Variants in POR observed in about 807,000 individuals in gnomAD.
POR encodes NADPH--cytochrome P450 reductase.
Under a neutral mutation model 84.0 loss-of-function variants are expected in POR, and 56 were observed. That is an observed-to-expected ratio of 0.67 (90% CI 0.54 to 0.83). POR has a LOEUF of 0.83. Among genes scored for constraint, POR ranks in the 40% least tolerant of loss-of-function variants. The probability of loss-of-function intolerance (pLI) is 0.00; values close to 1 mark genes in which losing one functional copy is unlikely to be tolerated. For missense variants in POR, 938 were observed against 944.3 expected (o/e 0.99, Z 0.09); for synonymous variants, 414 against 400.5 (o/e 1.03, Z -0.40).
chr7:75,932,659 C>A (rs573946692), intron 1 of POR, among the ~76,000 whole-genome samples: 29 of 151,626 alleles, frequency 1.9e-4, no homozygotes, highest in Non-Finnish European at 4.1e-4. Context: ...GAATTTATAA[C>A]AAGAAAATGT....
chr7:75,929,326 C>T (rs546958836), intron 1 of POR, among the ~76,000 whole-genome samples: 15 of 152,186 alleles, frequency 9.9e-5, no homozygotes, highest in African/African-American at 3.6e-4. Context: ...TGCAGTGGTG[C>T]GATCTCAGCT....
intron 3 of POR, among the ~76,000 whole-genome samples, chr7:75,976,035 C>T (rs1268943765): frequency 1.3e-5 from 2 of 151,862 alleles, no homozygotes; most frequent in African/African-American, 4.8e-5. Flanking sequence ...ACTCCCTGTC[C>T]ATAATCGGGG....
intron 1 of POR, among the ~76,000 whole-genome samples, chr7:75,932,575 T>C (rs1585089630): frequency 6.7e-6 from 1 of 149,362 alleles, no homozygotes; most frequent in Middle Eastern, 3.4e-3. Flanking sequence ...TAAAAACAGT[T>C]TTAATTTTTT....
intron 5 of POR, 23 bp downstream of exon 5, chr7:75,980,511 T>C (rs1554557586): frequency 6.2e-6 from 10 of 1,612,764 alleles, no homozygotes; most frequent in Non-Finnish European, 8.5e-6. Flanking sequence ...GAGACTGCTA[T>C]GGGCTCCCGG....
rs113741710 is a variant in POR at position 75,986,233 on chromosome 7, C to T, written c.1890C>T (p.Tyr630=). Residue 630 remains tyrosine (Y), a synonymous_variant, in exon 15 of 16, where the codon TAC becomes TAT. Coordinates refer to ENST00000461988, the MANE Select transcript of POR (RefSeq NM_000941.3). ...TGATCGAAGGCGGTGCCCACATCTA[C>T]GTCTGTGGGTGAGTGAGTGGGGTCA... The T allele has an allele frequency of 2.4e-5, 39 of 1,612,692 alleles. No homozygotes were observed. Among genetic ancestry groups the T allele is most frequent in the African/African-American group, 1.5e-4 (11 of 75,060 alleles).
At chr7:75,945,566 C>T (rs537503672) in intron 1 of POR, among the ~76,000 whole-genome samples, 9 of 152,144 alleles carry the variant, frequency 5.9e-5, no homozygotes, top group Admixed American at 2.6e-4. Flanking sequence ...CTGTGGGTTG[C>T]GCTGTCAGGC....
In POR at chr7:75,982,798, A is replaced by G. The variant is rs41299526; in HGVS notation, c.830+476A>G. Among the ~76,000 whole-genome samples the G allele has an allele frequency of 6.7e-3, 1,015 of 152,296 alleles. 14 individuals carry two copies. Among genetic ancestry groups the G allele is most frequent in the African/African-American group, 0.021 (882 of 41,572 alleles). The stretch of plus-strand genomic sequence containing the variant: ...GCCCTGCTTTCTGTAGGCCTGCCCC[A>G]GCCTGGCTGGAGCGAGAAGCCCTGC... On this transcript the variant is annotated intron_variant, in intron 8 of 15. Transcript: ENST00000461988.
chr7:75,938,697 T>A (rs1224438048), intron 1 of POR, among the ~76,000 whole-genome samples: 9 of 152,194 alleles, frequency 5.9e-5, no homozygotes, highest in African/African-American at 2.2e-4. Context: ...AGTTAGAGGC[T>A]GCAGTGAGCT....
At chr7:75,975,736 A>G (rs547764867) in intron 3 of POR, among the ~76,000 whole-genome samples, 1 of 152,102 alleles carries the variant, frequency 6.6e-6, no homozygotes, top group East Asian at 1.9e-4. Flanking sequence ...TTGCCAAATA[A>G]TGTTTTAATA....
chr7:75,966,195 G>A (rs539519050), intron 2 of POR, among the ~76,000 whole-genome samples: 5 of 152,258 alleles, frequency 3.3e-5, no homozygotes, highest in Non-Finnish European at 2.9e-5. Flanking sequence ...CCCTTCGCCT[G>A]TTTTGTCTCT....
At chr7:75,932,584 T>C (rs1807474448) in intron 1 of POR, among the ~76,000 whole-genome samples, 2 of 152,144 alleles carry the variant, frequency 1.3e-5, no homozygotes, top group Non-Finnish European at 2.9e-5. Flanking sequence ...TTTTAATTTT[T>C]TTTTCTGTAC....
In POR at chr7:75,923,231, C is replaced by T. The variant is rs1806960856; in HGVS notation, c.-5+8052C>T. The T allele has an allele frequency of 6.2e-6, 7 of 1,120,060 alleles. No individual in the cohort carries two copies. In the East Asian group the frequency reaches 1.4e-4, roughly 23 times the overall value. 69.4% of individuals were successfully genotyped at this position (1,120,060 alleles called of 1,614,324 possible). A position where few individuals can be genotyped will look rare whatever the true frequency, so the allele number is the denominator to read the frequency against. ...CTGACAACACAGTGATTGAGGAGCA[C>T]CTGGGAAAGCTTGGTGTCTTTTGCT... is the stretch of plus-strand genomic sequence containing the variant. On this transcript the variant is annotated intron_variant, in intron 1 of 15. Transcript: ENST00000461988.
At chr7:75,952,624 C>T (rs1487656716) in intron 1 of POR, among the ~76,000 whole-genome samples, 5 of 150,600 alleles carry the variant, frequency 3.3e-5, no homozygotes, top group African/African-American at 1.2e-4. Context: ...CGGGCAGAGA[C>T]GCTCCTCACC....
At chr7:75,952,090 G>A (rs1352359760) in intron 1 of POR, among the ~76,000 whole-genome samples, 1 of 136,360 alleles carries the variant, frequency 7.3e-6, no homozygotes, top group Non-Finnish European at 1.6e-5. Flanking sequence ...CGGGCGGGGG[G>A]CTGACCCCCC....
In POR at chr7:75,986,386, G is replaced by A. The variant is rs148175064; in HGVS notation, c.1948G>A (p.Val650Met). ...TGTGCAGAACACCTTCTACGACATC[G>A]TGGCTGAGCTCGGGGCCATGGAGCA... The change falls in exon 16 of 16, where the codon GTG (valine) becomes ATG (methionine). Residue 650 changes from valine to methionine, a missense_variant. Coordinates refer to ENST00000461988, the MANE Select transcript of POR (RefSeq NM_000941.3). The A allele has an allele frequency of 3.3e-5, 53 of 1,612,582 alleles. No individual in the cohort carries two copies. The East Asian group carries it at 1.0e-3, about 31-fold the overall frequency.
chr7:75,973,716 C>G (rs988174541), intron 3 of POR, among the ~76,000 whole-genome samples: 2 of 114,606 alleles, frequency 1.7e-5, no homozygotes, highest in Admixed American at 1.0e-4. Flanking sequence ...GAGTCTCGCT[C>G]TGTCGCCCAG....
At chr7:75,935,349 C>T (rs145389430) in intron 1 of POR, among the ~76,000 whole-genome samples, 214 of 152,198 alleles carry the variant, frequency 1.4e-3, no homozygotes, top group African/African-American at 4.7e-3. Context: ...TGGGTTCAAG[C>T]GATTCTCCTG....
chr7:75,952,471 ACCT>A (rs1787483579), intron 1 of POR, among the ~76,000 whole-genome samples: 1 of 146,566 alleles, frequency 6.8e-6, no homozygotes, highest in Admixed American at 6.7e-5. Context: ...GCTGACCCCC[ACCT>A]CCCTCCCGGA....
chr7:75,923,610 G>A (rs1359929946), intron 1 of POR, among the ~76,000 whole-genome samples: 15 of 152,050 alleles, frequency 9.9e-5, no homozygotes, highest in African/African-American at 2.4e-4. Flanking sequence ...GTGGCTGGCC[G>A]GGCCCGGTGG....
Sources: gnomAD v4.1 joint callset for allele counts (sites outside exome capture counted in the v4.1 genomes callset) on GRCh38, gnomAD v4.1.1 for gene constraint, MANE v1.5 for transcripts, NCBI Gene and HGNC (gene_info 2026-07-23, HGNC 2026-07-21) for gene names.